BMPR1B: variants seen among roughly 807,000 people sequenced by gnomAD.
The protein encoded by BMPR1B is bone morphogenetic protein receptor type 1B, also known as bone morphogenetic protein receptor type-1B.
BMPR1B carries 12 observed loss-of-function variants against 59.1 expected under a neutral mutation model. The observed-to-expected ratio is 0.20, with a 90% CI of 0.13 to 0.33. The LOEUF (loss-of-function observed/expected upper bound fraction) is 0.33, where lower values mean the gene tolerates loss of function less well. BMPR1B is among the 10% of genes least tolerant of loss of function. The probability of loss-of-function intolerance (pLI) is 1.00; values close to 1 mark genes in which losing one functional copy is unlikely to be tolerated. For missense variants in BMPR1B, 550 were observed against 610.9 expected, an observed-to-expected ratio of 0.90 and a Z score of 1.05; for synonymous variants, 237 against 207.3, an observed-to-expected ratio of 1.14 and a Z score of -1.23.
At chr4:94,766,807 A>G (rs1721987856) in intron 1 of BMPR1B, among the ~76,000 whole-genome samples, 3 of 152,010 alleles carry the variant, frequency 2.0e-5, no homozygotes, top group African/African-American at 2.4e-5. Context: ...GACTTTATTT[A>G]TATAATATTC....
At chr4:95,011,062 A>G (rs1163749136) in intron 3 of BMPR1B, among the ~76,000 whole-genome samples, 1 of 151,734 alleles carries the variant, frequency 6.6e-6, no homozygotes, top group Non-Finnish European at 1.5e-5. Context: ...TGATTTTGTT[A>G]AATTTGTTTT....
chr4:95,150,830 G>A (rs1734986682), intron 11 of BMPR1B, among the ~76,000 whole-genome samples: 2 of 152,200 alleles, frequency 1.3e-5, no homozygotes, highest in Admixed American at 1.3e-4. Flanking sequence ...ACTTGGGCAA[G>A]TTACTTAACC....
chr4:95,069,232 A>C (rs949699605), intron 3 of BMPR1B, among the ~76,000 whole-genome samples: 1 of 152,192 alleles, frequency 6.6e-6, no homozygotes, highest in African/African-American at 2.4e-5. Flanking sequence ...TCATTATAAC[A>C]ACAATCTCCT....
intron 1 of BMPR1B, among the ~76,000 whole-genome samples, chr4:94,794,701 G>T (rs1453993334): frequency 2.0e-5 from 3 of 151,952 alleles, no homozygotes; most frequent in African/African-American, 7.3e-5. Context: ...TCCTTGAGCA[G>T]TGGTTTGTAG....
rs1169342748 is a variant in BMPR1B at position 94,837,131 on chromosome 4, T to C, written c.-182-38700T>C. Reference sequence around the variant, plus strand: ...CCATTGATCTATATCTCTGTTTTGGTACCAGTACCATGCTGTTTTGGTTAC... The same window carrying C: ...CCATTGATCTATATCTCTGTTTTGGCACCAGTACCATGCTGTTTTGGTTAC... On this transcript the variant is annotated intron_variant, in intron 1 of 12. Coordinates refer to ENST00000515059, the MANE Select transcript of BMPR1B (RefSeq NM_001203.3). 2.1e-5 allele frequency among the ~76,000 whole-genome samples: 3 copies of C among 145,800 alleles called. 1 individual carries two copies. The highest frequency in any genetic ancestry group is 3.0e-5 in the Non-Finnish European group (2 of 65,896).
chr4:95,078,678 A>G (rs945382717), intron 3 of BMPR1B, among the ~76,000 whole-genome samples: 2 of 152,206 alleles, frequency 1.3e-5, no homozygotes, highest in African/African-American at 4.8e-5. Context: ...TCTCACATGC[A>G]TGTTCCCATG....
chr4:94,846,884 G>T (rs1725357807), intron 1 of BMPR1B, among the ~76,000 whole-genome samples: 1 of 151,706 alleles, frequency 6.6e-6, no homozygotes, highest in Non-Finnish European at 1.5e-5. Context: ...TAGGACATAG[G>T]ACTAGGCAAA....
In BMPR1B at chr4:94,836,704, A is replaced by T. The variant is rs1226226932; in HGVS notation, c.-182-39127A>T. ...TTGCGAAGATTTTCTCCCATTTTGT[A>T]GGTTGCCTGTTCACTCTGATGGTAG... On this transcript the variant is annotated intron_variant, in intron 1 of 12. Transcript: ENST00000515059. Among the ~76,000 whole-genome samples, 14 of 146,770 alleles carry T rather than the reference A, an allele frequency of 9.5e-5. 3 individuals carry two copies. Among genetic ancestry groups the T allele is most frequent in the African/African-American group, 3.5e-4 (14 of 39,518 alleles).
At chr4:95,006,129 G>A (rs1722809124) in intron 3 of BMPR1B, among the ~76,000 whole-genome samples, 1 of 151,804 alleles carries the variant, frequency 6.6e-6, no homozygotes, top group Admixed American at 6.6e-5. Flanking sequence ...AAACTATCTG[G>A]GCGTGGTGGT....
intron 1 of BMPR1B, among the ~76,000 whole-genome samples, chr4:94,775,133 A>G (rs980981143): frequency 2.0e-5 from 3 of 152,174 alleles, no homozygotes; most frequent in Non-Finnish European, 4.4e-5. Flanking sequence ...TCATCTGTAG[A>G]ATGAAGATAA....
At chr4:94,875,273 TC>T (rs2148972327) in intron 1 of BMPR1B, among the ~76,000 whole-genome samples, 1 of 152,338 alleles carries the variant, frequency 6.6e-6, no homozygotes, top group South Asian at 2.1e-4. Context: ...TTTGAGGTGT[TC>T]TTGATCTCTA....
At chr4:95,093,504 C>G (rs1175110815) in intron 3 of BMPR1B, among the ~76,000 whole-genome samples, 7 of 151,908 alleles carry the variant, frequency 4.6e-5, no homozygotes, top group Non-Finnish European at 1.5e-5. Flanking sequence ...TTTGTGTTGT[C>G]TGTTGACTTG....
At chr4:95,153,463 C>T (rs1355835784) in intron 12 of BMPR1B, among the ~76,000 whole-genome samples, 2 of 151,940 alleles carry the variant, frequency 1.3e-5, no homozygotes, top group Non-Finnish European at 2.9e-5. Flanking sequence ...GTTTGAAGCA[C>T]CACTGGAAAA....
intron 2 of BMPR1B, among the ~76,000 whole-genome samples, chr4:94,967,689 G>C (rs372343407): frequency 1.2e-4 from 18 of 152,124 alleles, no homozygotes; most frequent in African/African-American, 4.3e-4. Context: ...TCACCGTGTT[G>C]ACCAGGCTGG....
chr4:94,803,035 G>C (rs7670449), intron 1 of BMPR1B, among the ~76,000 whole-genome samples: 2 of 152,070 alleles, frequency 1.3e-5, no homozygotes, highest in Non-Finnish European at 1.5e-5. Flanking sequence ...GCTGAATGCC[G>C]TATTGACCTC....
intron 1 of BMPR1B, among the ~76,000 whole-genome samples, chr4:94,844,683 G>C (rs11097444): frequency 0.61 from 93,173 of 151,864 alleles, 29,601 homozygotes; most frequent in African/African-American, 0.78. Flanking sequence ...CCGCTGCCCC[G>C]CTCCCCGCCC....
At chr4:95,022,650 T>G (rs1724077353) in intron 3 of BMPR1B, among the ~76,000 whole-genome samples, 1 of 152,074 alleles carries the variant, frequency 6.6e-6, no homozygotes, top group Non-Finnish European at 1.5e-5. Context: ...CAGGAAAATA[T>G]TTTTATTTTT....
intron 8 of BMPR1B, among the ~76,000 whole-genome samples, chr4:95,129,541 C>T (rs910524885): frequency 2.0e-5 from 3 of 151,968 alleles, no homozygotes; most frequent in Non-Finnish European, 2.9e-5. Flanking sequence ...TCCATTATAA[C>T]GGGGAAGTGC....
At chr4:95,047,051 T>A (rs947874858) in intron 3 of BMPR1B, among the ~76,000 whole-genome samples, 2 of 152,028 alleles carry the variant, frequency 1.3e-5, no homozygotes, top group Non-Finnish European at 2.9e-5. Flanking sequence ...ACTCATTTTT[T>A]AAAATAAACT....
Sources: allele counts gnomAD v4.1 joint callset (sites outside exome capture counted in the v4.1 genomes callset), GRCh38; gene constraint gnomAD v4.1.1; transcripts MANE v1.5; gene names NCBI Gene and HGNC (gene_info 2026-07-23, HGNC 2026-07-21).